Variants in GPR158 observed in about 807,000 individuals in gnomAD.
The protein encoded by GPR158 is metabotropic glycine receptor.
GPR158 carries 30 observed loss-of-function variants against 78.2 expected under a neutral mutation model. The observed-to-expected ratio is 0.38, with a 90% CI of 0.29 to 0.52. The LOEUF (loss-of-function observed/expected upper bound fraction) is 0.52, where lower values mean the gene tolerates loss of function less well. GPR158 is among the 20% of genes least tolerant of loss of function. The probability of loss-of-function intolerance (pLI) is 0.83; values close to 1 mark genes in which losing one functional copy is unlikely to be tolerated. For missense variants in GPR158, 1,463 were observed against 1,523.5 expected (o/e 0.96, Z 0.66); for synonymous variants, 581 against 591.1 (o/e 0.98, Z 0.25).
At chr10:25,204,784 G>T (rs1322467124) in intron 1 of GPR158, among the ~76,000 whole-genome samples, 1 of 144,782 alleles carries the variant, frequency 6.9e-6, no homozygotes, top group Non-Finnish European at 1.5e-5. Flanking sequence ...TTCCTAGTTT[G>T]TGTGCACAGA....
intron 3 of GPR158, among the ~76,000 whole-genome samples, chr10:25,404,348 A>G (rs1159501332): frequency 6.6e-6 from 1 of 152,094 alleles, no homozygotes; most frequent in African/African-American, 2.4e-5. Flanking sequence ...TCATGATAGC[A>G]TGTTACTGTT....
rs1423386382 is a variant in GPR158, at chr10:25,241,181, CTTT to C, written c.1008+20025_1008+20027del. Among the ~76,000 whole-genome samples, 34 of 75,750 alleles carry C rather than the reference CTTT, an allele frequency of 4.5e-4. No individual in the cohort carries two copies. The South Asian group carries it at 5.9e-3, about 13-fold the overall frequency. The allele number at this position is 75,750 out of a possible 152,430, so 49.7% of individuals were successfully genotyped here. On this transcript the variant is annotated intron_variant, in intron 2 of 10. Coordinates refer to ENST00000376351, the MANE Select transcript of GPR158 (RefSeq NM_020752.3). ...TCTTTCTTTCTTTCTTTCTTTCTTT[CTTT>C]CTTTCCTTTCTTTCTTTCCTTTCTT...
intron 6 of GPR158, among the ~76,000 whole-genome samples, chr10:25,563,755 C>A (rs548579704): frequency 1.3e-5 from 2 of 152,120 alleles, no homozygotes; most frequent in South Asian, 2.1e-4. Context: ...CAAATTATAT[C>A]TTTAAGCATT....
At chr10:25,237,019 T>C (rs982626266) in intron 2 of GPR158, among the ~76,000 whole-genome samples, 2 of 152,180 alleles carry the variant, frequency 1.3e-5, no homozygotes, top group East Asian at 1.9e-4. Context: ...TTTTAAGAAA[T>C]TAATATAGAT....
intron 3 of GPR158, among the ~76,000 whole-genome samples, chr10:25,398,897 G>C (rs955629861): frequency 2.6e-5 from 4 of 152,096 alleles, no homozygotes; most frequent in Admixed American, 6.6e-5. Flanking sequence ...GTAAAGCAGG[G>C]GTCCCCAACC....
intron 6 of GPR158, among the ~76,000 whole-genome samples, chr10:25,554,137 G>A (rs1836758890): frequency 6.6e-6 from 1 of 152,136 alleles, no homozygotes; most frequent in Non-Finnish European, 1.5e-5. Context: ...GGAAGGAGCT[G>A]ATCCAGGATA....
chr10:25,484,300 T>G (rs1233029106), intron 5 of GPR158, among the ~76,000 whole-genome samples: 1 of 152,182 alleles, frequency 6.6e-6, no homozygotes, highest in Non-Finnish European at 1.5e-5. Flanking sequence ...CTTTAAATCT[T>G]TGCTCAAATG....
intron 2 of GPR158, among the ~76,000 whole-genome samples, chr10:25,292,317 T>G (rs1159282921): frequency 6.6e-6 from 1 of 152,114 alleles, no homozygotes; most frequent in Non-Finnish European, 1.5e-5. Flanking sequence ...AAAGAAACAT[T>G]TAGATTAATA....
chr10:25,303,037 C>T (rs576191528), intron 2 of GPR158, among the ~76,000 whole-genome samples: 6 of 152,100 alleles, frequency 3.9e-5, no homozygotes, highest in African/African-American at 1.4e-4. Flanking sequence ...TCATGGTGCC[C>T]CATGTCAAGA....
At chr10:25,406,255 G>A (rs1834514074) in intron 3 of GPR158, among the ~76,000 whole-genome samples, 1 of 152,110 alleles carries the variant, frequency 6.6e-6, no homozygotes. Flanking sequence ...CAAACAAAAG[G>A]ATTGGTAGTT....
intron 4 of GPR158, among the ~76,000 whole-genome samples, chr10:25,413,905 C>A (rs971351420): frequency 8.5e-5 from 13 of 152,080 alleles, no homozygotes; most frequent in Non-Finnish European, 1.5e-5. Context: ...TCTTTTGCAA[C>A]AAACTGTGTG....
intron 1 of GPR158, among the ~76,000 whole-genome samples, chr10:25,209,010 G>A (rs1400336408): frequency 2.6e-5 from 4 of 151,636 alleles, no homozygotes; most frequent in Admixed American, 2.6e-4. Flanking sequence ...CACCACACCC[G>A]GCTAATTTTT....
At position 25,474,450 on chromosome 10, in the gene GPR158, A is replaced by G. The variant is rs181501279; in HGVS notation, c.1404+7731A>G. ...TACCCTACCATCCTTTAGGCTAATT[A>G]GCATATAGTCATCTTCTAGATTTCT... On this transcript the variant is annotated intron_variant, in intron 5 of 10. Coordinates refer to ENST00000376351, the MANE Select transcript of GPR158 (RefSeq NM_020752.3). 4.3e-4 allele frequency among the ~76,000 whole-genome samples: 65 copies of G among 152,166 alleles called. No homozygotes were observed. The East Asian group carries it at 9.1e-3, about 21-fold the overall frequency.
chr10:25,404,751 T>C (rs943879145), intron 3 of GPR158, among the ~76,000 whole-genome samples: 2 of 152,138 alleles, frequency 1.3e-5, no homozygotes, highest in African/African-American at 2.4e-5. Context: ...ACATACCATA[T>C]AGATTTGTGG....
chr10:25,362,581 A>G (rs1407891911), intron 2 of GPR158, among the ~76,000 whole-genome samples: 1 of 151,910 alleles, frequency 6.6e-6, no homozygotes, highest in African/African-American at 2.4e-5. Flanking sequence ...ATCCATGAAC[A>G]TGGGATGGTT....
In GPR158 at chr10:25,531,187, C is replaced by T. The variant is rs192589094; in HGVS notation, c.1405-19789C>T. 1.3e-3 allele frequency among the ~76,000 whole-genome samples: 197 copies of T among 152,196 alleles called. 1 individual carries two copies. Among genetic ancestry groups the T allele is most frequent in the African/African-American group, 4.2e-3 (175 of 41,522 alleles). Reference sequence around the variant, plus strand: ...ATGAAAACAAATTTTTTATAGAGAACGGCACCTTGTGTGGAGATTGAAAAT... The same window carrying T: ...ATGAAAACAAATTTTTTATAGAGAATGGCACCTTGTGTGGAGATTGAAAAT... On this transcript the variant is annotated intron_variant, in intron 5 of 10. Coordinates refer to ENST00000376351, the MANE Select transcript of GPR158 (RefSeq NM_020752.3).
In GPR158 at chr10:25,536,432, G is replaced by C. The variant is rs1836502368; in HGVS notation, c.1405-14544G>C. ...TAATGAAAACAAATCTTTCTGAGAT[G>C]TGTGCTACAAGTATTTTGTATTCTG... On this transcript the variant is annotated intron_variant, in intron 5 of 10. Coordinates refer to ENST00000376351, the MANE Select transcript of GPR158 (RefSeq NM_020752.3). 2.0e-5 allele frequency among the ~76,000 whole-genome samples: 3 copies of C among 152,272 alleles called. No individual in the cohort carries two copies. The South Asian group carries it at 6.2e-4, about 32-fold the overall frequency.
At chr10:25,214,143 C>T (rs765379649) in intron 1 of GPR158, among the ~76,000 whole-genome samples, 16 of 151,860 alleles carry the variant, frequency 1.1e-4, no homozygotes, top group Non-Finnish European at 1.5e-4. Flanking sequence ...TACAGGCGCC[C>T]GACACCACGC....
chr10:25,227,904 C>A (rs1853396642), intron 2 of GPR158, among the ~76,000 whole-genome samples: 2 of 152,074 alleles, frequency 1.3e-5, no homozygotes, highest in African/African-American at 4.8e-5. Context: ...ATTGGATTGG[C>A]AAGCAGTAAA....
Sources: allele counts gnomAD v4.1 joint callset (sites outside exome capture counted in the v4.1 genomes callset), GRCh38; gene constraint gnomAD v4.1.1; transcripts MANE v1.5; gene names NCBI Gene and HGNC (gene_info 2026-07-23, HGNC 2026-07-21).